Variants in CNTNAP5 observed in about 807,000 individuals in gnomAD.
The protein encoded by CNTNAP5 is contactin associated protein family member 5, also known as contactin-associated protein-like 5.
Under a neutral mutation model 150.2 loss-of-function variants are expected in CNTNAP5, and 72 were observed. The ratio of observed to expected loss-of-function variants is 0.48; its 90% CI spans 0.40 to 0.58. The LOEUF is 0.58. Among genes scored for constraint, CNTNAP5 ranks in the 20% least tolerant of loss-of-function variants. CNTNAP5 has a pLI of 0.00. For synonymous variants in CNTNAP5, 672 were observed against 619.8 expected (o/e 1.08, Z -1.25); for missense variants, 1,636 against 1,626.2 (o/e 1.01, Z -0.10).
At chr2:124,445,267 T>C (rs1692785636) in intron 5 of CNTNAP5, among the ~76,000 whole-genome samples, 1 of 151,558 alleles carries the variant, frequency 6.6e-6, no homozygotes, top group Non-Finnish European at 1.5e-5. Context: ...TTTTTTTTTT[T>C]CTGTATTTTT....
intron 1 of CNTNAP5, among the ~76,000 whole-genome samples, chr2:124,169,088 C>CTTT (rs559140120): frequency 6.7e-6 from 1 of 149,802 alleles, no homozygotes; most frequent in African/African-American, 2.4e-5. Flanking sequence ...GATGCTGCTT[C>CTTT]TTTTTTTTTT....
chr2:124,380,972 G>A (rs1690779447), intron 3 of CNTNAP5, among the ~76,000 whole-genome samples: 1 of 152,148 alleles, frequency 6.6e-6, no homozygotes, highest in South Asian at 2.1e-4. Context: ...ATATTTCCCT[G>A]GGGAAGAGAG....
At chr2:124,300,908 G>A (rs572661031) in intron 3 of CNTNAP5, among the ~76,000 whole-genome samples, 4 of 152,156 alleles carry the variant, frequency 2.6e-5, no homozygotes, top group Admixed American at 1.3e-4. Context: ...CAGGAAATAC[G>A]AAATCCAAGC....
chr2:124,737,714 A>T (rs1573583666), intron 13 of CNTNAP5, among the ~76,000 whole-genome samples: 1 of 152,288 alleles, frequency 6.6e-6, no homozygotes, highest in East Asian at 1.9e-4. Context: ...TGGAACAAAA[A>T]TGGAGGCAAG....
chr2:124,752,160 C>G lies in CNTNAP5; in HGVS notation c.2234+4775C>G, dbSNP rs1328071065. On this transcript the variant is annotated intron_variant, in intron 14 of 23. Coordinates refer to ENST00000682447, the MANE Select transcript of CNTNAP5 (RefSeq NM_001367498.1). ...AGCATGCATGTTTCTTTTTGCTAAG[C>G]CAGGGTGCTTAGGGAAACTGGGGCA... Among the ~76,000 whole-genome samples the G allele has an allele frequency of 2.6e-5, 4 of 152,084 alleles. No homozygotes were observed. The East Asian group carries it at 7.7e-4, about 29-fold the overall frequency.
intron 1 of CNTNAP5, among the ~76,000 whole-genome samples, chr2:124,076,407 A>G (rs1337306526): frequency 1.3e-5 from 2 of 152,132 alleles, no homozygotes; most frequent in African/African-American, 4.8e-5. Flanking sequence ...TATTACGATT[A>G]TAATATTACA....
chr2:124,468,733 C>T (rs1693437230), intron 6 of CNTNAP5, among the ~76,000 whole-genome samples: 1 of 152,160 alleles, frequency 6.6e-6, no homozygotes, highest in South Asian at 2.1e-4. Context: ...CCTCCAAATC[C>T]AGCTACCAGC....
intron 11 of CNTNAP5, among the ~76,000 whole-genome samples, chr2:124,566,343 A>T (rs1043907665): frequency 4.6e-5 from 7 of 152,140 alleles, no homozygotes; most frequent in Non-Finnish European, 2.9e-5. Flanking sequence ...TAATTTAACA[A>T]TTTTTTGAGG....
chr2:124,559,106 A>G (rs1193215460), intron 10 of CNTNAP5, among the ~76,000 whole-genome samples: 1 of 152,252 alleles, frequency 6.6e-6, no homozygotes, highest in African/African-American at 2.4e-5. Context: ...GTACCTCTGT[A>G]GGATGGACTG....
At chr2:124,803,458 T>C (rs1682014529) in intron 19 of CNTNAP5, among the ~76,000 whole-genome samples, 2 of 152,204 alleles carry the variant, frequency 1.3e-5, no homozygotes, top group Admixed American at 1.3e-4. Flanking sequence ...TTGATAGAAA[T>C]GCAAAGTCAA....
At chr2:124,397,221 T>G (rs1573966021) in intron 3 of CNTNAP5, among the ~76,000 whole-genome samples, 1 of 152,228 alleles carries the variant, frequency 6.6e-6, no homozygotes, top group Non-Finnish European at 1.5e-5. Flanking sequence ...CCTTTCTGTC[T>G]TAGAAAGTTC....
chr2:124,176,346 G>T (rs1488715895), intron 1 of CNTNAP5, among the ~76,000 whole-genome samples: 1 of 152,174 alleles, frequency 6.6e-6, no homozygotes, highest in Non-Finnish European at 1.5e-5. Flanking sequence ...GATGATGAAA[G>T]ATTGTCAAAG....
At chr2:124,850,305 TA>T (rs1488738775) in intron 19 of CNTNAP5, among the ~76,000 whole-genome samples, 1 of 152,074 alleles carries the variant, frequency 6.6e-6, no homozygotes, top group African/African-American at 2.4e-5. Flanking sequence ...TCATACTGGA[TA>T]AAATGGGTTC....
At chr2:124,156,954 A>AG (rs1684561593) in intron 1 of CNTNAP5, among the ~76,000 whole-genome samples, 1 of 152,186 alleles carries the variant, frequency 6.6e-6, no homozygotes. Flanking sequence ...TAGAGTTATT[A>AG]TTAAGACCAA....
intron 1 of CNTNAP5, among the ~76,000 whole-genome samples, chr2:124,065,132 G>C (rs1266760586): frequency 2.0e-5 from 3 of 152,136 alleles, no homozygotes; most frequent in African/African-American, 4.8e-5. Context: ...GAATTATGCA[G>C]ACTACCTTTT....
At chr2:124,521,950 C>A (rs1347267752) in intron 8 of CNTNAP5, among the ~76,000 whole-genome samples, 1 of 152,108 alleles carries the variant, frequency 6.6e-6, no homozygotes, top group Non-Finnish European at 1.5e-5. Flanking sequence ...GAAGTGGGGC[C>A]ACCAGGCTGA....
At position 124,129,148 on chromosome 2, in the gene CNTNAP5, C is replaced by T. The variant is rs201270485; in HGVS notation, c.83-92557C>T. On this transcript the variant is annotated intron_variant, in intron 1 of 23. Transcript: ENST00000682447. ...GAAGCAATGTACAACAAAATATTTG[C>T]GTTTAATACAACTAGATGGTGGTTG... is the stretch of plus-strand genomic sequence containing the variant. 1.6e-4 allele frequency among the ~76,000 whole-genome samples: 25 copies of T among 151,650 alleles called. 1 individual carries two copies. The highest frequency in any genetic ancestry group is 1.5e-3 in the South Asian group (7 of 4,784).
chr2:124,789,466 A>G (rs1681670353), intron 17 of CNTNAP5, among the ~76,000 whole-genome samples: 1 of 152,122 alleles, frequency 6.6e-6, no homozygotes, highest in East Asian at 1.9e-4. Context: ...AAACTTGTAT[A>G]ACATGGATTT....
intron 22 of CNTNAP5, among the ~76,000 whole-genome samples, chr2:124,907,934 A>G (rs1194989431): frequency 2.6e-5 from 4 of 151,702 alleles, no homozygotes; most frequent in Non-Finnish European, 5.9e-5. Context: ...ATATTAATGT[A>G]TCATTAGCAA....
Sources: gnomAD v4.1 joint callset for allele counts (sites outside exome capture counted in the v4.1 genomes callset) on GRCh38, gnomAD v4.1.1 for gene constraint, MANE v1.5 for transcripts, NCBI Gene and HGNC (gene_info 2026-07-23, HGNC 2026-07-21) for gene names.